DCAF6: variants seen among roughly 807,000 people sequenced by gnomAD.
The protein encoded by DCAF6 is DDB1 and CUL4 associated factor 6.
DCAF6 carries 54 observed loss-of-function variants against 125.1 expected under a neutral mutation model. The ratio of observed to expected loss-of-function variants is 0.43; its 90% CI spans 0.35 to 0.54. The LOEUF (loss-of-function observed/expected upper bound fraction) is 0.54, where lower values mean the gene tolerates loss of function less well. DCAF6 is among the 20% of genes least tolerant of loss of function. The pLI is 0.01. For synonymous variants in DCAF6, 371 were observed against 390.4 expected (o/e 0.95, Z 0.58); for missense variants, 934 against 1,161.7 (o/e 0.80, Z 2.85).
intron 10 of DCAF6, among the ~76,000 whole-genome samples, chr1:168,013,139 T>C (rs906077450): frequency 6.6e-6 from 1 of 152,222 alleles, no homozygotes; most frequent in Admixed American, 6.5e-5. Flanking sequence ...ATGCTGACTA[T>C]AAATAAGGTG....
intron 11 of DCAF6, among the ~76,000 whole-genome samples, chr1:168,022,016 T>A (rs977447459): frequency 5.3e-5 from 8 of 152,156 alleles, no homozygotes; most frequent in South Asian, 4.1e-4. Context: ...GTTTCTCTTT[T>A]ACTGTAGCCC....
intron 14 of DCAF6, 50 bp downstream of exon 14, chr1:168,043,190 T>G (rs1271200512): frequency 5.2e-6 from 7 of 1,336,766 alleles, no homozygotes; most frequent in Non-Finnish European, 7.5e-6. Context: ...CATTGGATGT[T>G]TATCTACTTT....
chr1:167,960,042 T>TA (rs1230927424), intron 2 of DCAF6, among the ~76,000 whole-genome samples: 2 of 152,090 alleles, frequency 1.3e-5, no homozygotes, highest in African/African-American at 4.8e-5. Context: ...GTGAAGGGTG[T>TA]AAGTTATGTG....
intron 4 of DCAF6, among the ~76,000 whole-genome samples, chr1:167,982,697 C>A (rs1207599105): frequency 6.6e-6 from 1 of 152,154 alleles, no homozygotes; most frequent in Non-Finnish European, 1.5e-5. Context: ...GTTTTTGTTG[C>A]AGTGGCTATT....
intron 6 of DCAF6, among the ~76,000 whole-genome samples, chr1:167,992,278 CA>C (rs1680954572): frequency 2.3e-5 from 3 of 129,380 alleles, no homozygotes; most frequent in Non-Finnish European, 5.2e-5. Flanking sequence ...CACACACACA[CA>C]CACAAACACC....
chr1:167,986,627 C>T lies in DCAF6; in HGVS notation c.439-868C>T, dbSNP rs144607016. On this transcript the variant is annotated intron_variant, in intron 4 of 21. Coordinates refer to ENST00000367840, the MANE Select transcript of DCAF6 (RefSeq NM_001198956.2). ...AGGCATTAGCTTCTCATAAGGAGTG[C>T]ACAACCTGTGAGAAACAGTTCACCA... Among the ~76,000 whole-genome samples the T allele has an allele frequency of 5.9e-5, 9 of 152,318 alleles. No homozygotes were observed. In the East Asian group the frequency reaches 1.4e-3, roughly 23 times the overall value.
intron 10 of DCAF6, 93 bp downstream of exon 10, chr1:168,004,886 T>G: frequency 7.4e-7 from 1 of 1,360,002 alleles, no homozygotes; most frequent in Non-Finnish European, 1.0e-6. Flanking sequence ...CACATCAACT[T>G]CTTGTTGGAA....
rs543622343 is a variant in DCAF6 at position 168,051,894 on chromosome 1, T to C, written c.2300+961T>C. Among the ~76,000 whole-genome samples, 410 of 151,768 alleles carry C rather than the reference T, an allele frequency of 2.7e-3. 1 individual carries two copies. Among genetic ancestry groups the C allele is most frequent in the African/African-American group, 7.3e-3 (304 of 41,394 alleles). On this transcript the variant is annotated intron_variant, in intron 17 of 21. Transcript: ENST00000367840. Reference sequence around the variant, plus strand: ...TTATCACTTTCTTTTTTTTTTTTTTTCCCCAAGATGTAGCCTTGCTCTGTT... The same window carrying C: ...TTATCACTTTCTTTTTTTTTTTTTTCCCCCAAGATGTAGCCTTGCTCTGTT...
At chr1:168,067,663 T>G (rs1307742059) in intron 20 of DCAF6, among the ~76,000 whole-genome samples, 4 of 152,234 alleles carry the variant, frequency 2.6e-5, no homozygotes, top group Non-Finnish European at 1.5e-5. Flanking sequence ...AAGGGCCCTG[T>G]GGGGCACCCT....
chr1:168,049,426 TTG>T (rs1221591133), intron 16 of DCAF6, among the ~76,000 whole-genome samples: 1 of 89,538 alleles, frequency 1.1e-5, no homozygotes, highest in African/African-American at 5.5e-5. Context: ...GTTGTTGTTG[TTG>T]TTGTTTTTTT....
the DCAF6 span, chr1:167,878,541 T>A: frequency 4.3e-6 from 7 of 1,614,060 alleles, no homozygotes; most frequent in Middle Eastern, 1.6e-4. Flanking sequence ...AGTACGCTGG[T>A]AGGTTGCTCC....
chr1:167,977,372 A>G (rs574718024), intron 4 of DCAF6, among the ~76,000 whole-genome samples: 2 of 149,124 alleles, frequency 1.3e-5, no homozygotes, highest in East Asian at 2.0e-4. Context: ...CTGGGCATGG[A>G]TTTCATTTGA....
At chr1:167,935,551 G>A (rs1358616628), upstream of DCAF6, among the ~76,000 whole-genome samples, 2 of 152,314 alleles carry the variant, frequency 1.3e-5, no homozygotes, top group African/African-American at 4.8e-5. Flanking sequence ...GTTGGCTTAG[G>A]AAGAGATGTT....
In DCAF6 at chr1:168,056,562, A is replaced by C. The variant is rs1690880652; in HGVS notation, c.2300+5629A>C. The stretch of plus-strand genomic sequence containing the variant: ...TTGAATGGAATAATTTAATTACAGA[A>C]TAAGAAGATGAAGGTCACTGTTGTC... On this transcript the variant is annotated intron_variant, in intron 17 of 21. Transcript: ENST00000367840. 7 of 418,090 alleles carry C rather than the reference A, an allele frequency of 1.7e-5. 1 individual carries two copies. The allele number at this position is 418,090 out of a possible 1,614,324, so 25.9% of individuals were successfully genotyped here. A position where few individuals can be genotyped will look rare whatever the true frequency, so the allele number is the denominator to read the frequency against.
rs752463092 is a variant in DCAF6, at chr1:168,068,387, A to G, written c.2715A>G (p.Glu905=). 8 of 1,604,228 alleles carry G rather than the reference A, an allele frequency of 5.0e-6. No homozygotes were observed. Among genetic ancestry groups the G allele is most frequent in the South Asian group, 3.3e-5 (3 of 90,140 alleles). Residue 905 remains glutamate (E), a synonymous_variant, in exon 21 of 22, where the codon GAA becomes GAG. Transcript: ENST00000367840. Reference sequence around the variant, plus strand: ...TAACTCGAAACGAACTCATGCTGGAAGAAACTAGAAACACCATTACAGTTC... The same window carrying G: ...TAACTCGAAACGAACTCATGCTGGAGGAAACTAGAAACACCATTACAGTTC... The part of the protein sequence containing the change: ...EVITRNELML[E]ETRNTITVPA...
At chr1:167,885,579 T>C in the DCAF6 span, among the ~76,000 whole-genome samples, 1 of 152,236 alleles carries the variant, frequency 6.6e-6, no homozygotes, top group African/African-American at 2.4e-5. Context: ...TTCACATACT[T>C]GTTTGCCATT....
chr1:167,968,504 T>TA (rs1214089446), intron 3 of DCAF6: 5 of 152,276 alleles, frequency 3.3e-5, no homozygotes, highest in Admixed American at 1.3e-4. Context: ...CACTGAGAAA[T>TA]ACTTTTTAAG....
At chr1:167,935,399 A>T (rs1200957492), upstream of DCAF6, among the ~76,000 whole-genome samples, 2 of 152,174 alleles carry the variant, frequency 1.3e-5, no homozygotes, top group Non-Finnish European at 2.9e-5. Flanking sequence ...AGAGAAAGAG[A>T]ATGAGTGTTT....
At chr1:168,044,804 ATCATATTAGAATGTGTT>A in intron 15 of DCAF6, 79 bp from the exon 16 acceptor site, 2 of 1,451,464 alleles carry the variant, frequency 1.4e-6, no homozygotes, top group Middle Eastern at 1.8e-4. Flanking sequence ...GGAATTAGAC[ATCATATTAGAATGTGTT>A]TGTGAGCTCC....
Sources: allele counts gnomAD v4.1 joint callset (sites outside exome capture counted in the v4.1 genomes callset), GRCh38; gene constraint gnomAD v4.1.1; transcripts MANE v1.5; gene names NCBI Gene and HGNC (gene_info 2026-07-23, HGNC 2026-07-21).